The following ARHGEF18 variants were observed in gnomAD, a reference collection of about 807,000 sequenced individuals.
The protein encoded by ARHGEF18 is Rho/Rac guanine nucleotide exchange factor 18, also known as rho guanine nucleotide exchange factor 18.
Under a neutral mutation model 155.7 loss-of-function variants are expected in ARHGEF18, and 93 were observed. The observed-to-expected ratio is 0.60, with a 90% confidence interval of 0.50 to 0.71. ARHGEF18 has a LOEUF of 0.71. ARHGEF18 is among the 30% of genes least tolerant of loss of function. The pLI is 0.00. For missense variants in ARHGEF18, 1,593 were observed against 1,816.1 expected, an observed-to-expected ratio of 0.88 and a Z score of 2.23; for synonymous variants, 742 against 753.1, an observed-to-expected ratio of 0.99 and a Z score of 0.24.
At chr19:7,417,237 C>G (rs1257423736) in intron 10 of ARHGEF18, among the ~76,000 whole-genome samples, 3 of 152,040 alleles carry the variant, frequency 2.0e-5, no homozygotes, top group Non-Finnish European at 4.4e-5. Context: ...AACAAGGTGG[C>G]CTCTGGGGCT....
At chr19:7,453,804 T>A (rs1238244336) in intron 17 of ARHGEF18, 89 bp downstream of exon 17, 1 of 1,431,634 alleles carries the variant, frequency 7.0e-7, no homozygotes, top group African/African-American at 1.4e-5. Context: ...CTTAGATTAG[T>A]GGCACCATCT....
chr19:7,451,114 G>A (rs763406361), intron 15 of ARHGEF18, 35 bp from the exon 16 acceptor site: 1 of 1,449,302 alleles, frequency 6.9e-7, no homozygotes, highest in Non-Finnish European at 9.1e-7. Flanking sequence ...CCGTTTCTGA[G>A]ATGTTAATAC....
intron 17 of ARHGEF18, among the ~76,000 whole-genome samples, chr19:7,454,451 C>G (rs1300929899): frequency 6.7e-6 from 1 of 149,442 alleles, no homozygotes; most frequent in African/African-American, 2.5e-5. Flanking sequence ...CAGTGGCCAC[C>G]ATTTTGATTG....
chr19:7,422,770 G>C (rs1271929498), intron 10 of ARHGEF18, among the ~76,000 whole-genome samples: 1 of 143,486 alleles, frequency 7.0e-6, no homozygotes, highest in Non-Finnish European at 1.5e-5. Flanking sequence ...CCAGACTGGA[G>C]TGCAGTGGCA....
intron 10 of ARHGEF18, among the ~76,000 whole-genome samples, chr19:7,404,687 A>G (rs1279030964): frequency 6.6e-6 from 1 of 151,980 alleles, no homozygotes; most frequent in African/African-American, 2.4e-5. Context: ...CCTTTTAGAT[A>G]GATCGTGGAG....
chr19:7,470,591 C>T lies in ARHGEF18; in HGVS notation c.*293C>T. 1 of 396,540 alleles carries T rather than the reference C, an allele frequency of 2.5e-6. No homozygotes were observed. The highest frequency in any genetic ancestry group is 4.4e-6 in the Non-Finnish European group (1 of 225,602). The allele number at this position is 396,540 out of a possible 1,614,324, so 24.6% of individuals were successfully genotyped here. On this transcript the variant is annotated 3_prime_UTR_variant, in exon 29 of 29. Coordinates refer to ENST00000668164, the MANE Select transcript of ARHGEF18 (RefSeq NM_001367823.1). The surrounding 1 kb of genome is among the most constrained non-coding windows in gnomAD (Gnocchi z 5.9). ...ACTAAACCAGGGAGCTGTCTGAAATCATAGCACCCCATCCGGGTGGCGGGG... is the reference window on the plus strand; with the variant it reads ...ACTAAACCAGGGAGCTGTCTGAAATTATAGCACCCCATCCGGGTGGCGGGG...
chr19:7,366,063 A>G (rs1213821422), intron 2 of ARHGEF18, among the ~76,000 whole-genome samples: 1 of 152,160 alleles, frequency 6.6e-6, no homozygotes, highest in African/African-American at 2.4e-5. Flanking sequence ...CTTGTGCCTC[A>G]GCCTCCTGAG....
chr19:7,404,950 C>G (rs1013901761), intron 10 of ARHGEF18, among the ~76,000 whole-genome samples: 1 of 148,642 alleles, frequency 6.7e-6, no homozygotes, highest in East Asian at 1.9e-4. Context: ...GCGACAGACT[C>G]GGGTGCTTTA....
chr19:7,360,119 C>T (rs1378460626), intron 1 of ARHGEF18, among the ~76,000 whole-genome samples: 1 of 152,124 alleles, frequency 6.6e-6, no homozygotes, highest in Non-Finnish European at 1.5e-5. Flanking sequence ...GGAACCACTC[C>T]AGCCTGGGTG....
intron 10 of ARHGEF18, among the ~76,000 whole-genome samples, chr19:7,407,885 C>T (rs923747678): frequency 6.7e-6 from 1 of 149,806 alleles, no homozygotes; most frequent in South Asian, 2.1e-4. Context: ...TGGCGTGAAC[C>T]CAGGAGGCGG....
In ARHGEF18 at chr19:7,395,006, G is replaced by A. The variant is rs1053063556; in HGVS notation, c.967+11803G>A. The A allele has an allele frequency of 9.2e-6, 9 of 973,360 alleles. No individual in the cohort carries two copies. The highest frequency in any genetic ancestry group is 1.1e-4 in the East Asian group (1 of 8,732). The allele number at this position is 973,360 out of a possible 1,614,324, so 60.3% of individuals were successfully genotyped here. A position where few individuals can be genotyped will look rare whatever the true frequency, so the allele number is the denominator to read the frequency against. On this transcript the variant is annotated intron_variant, in intron 10 of 28. Transcript: ENST00000668164. This position sits in a 1 kb window ranked among gnomAD's most constrained non-coding sequence, Gnocchi z 5.0. ...ACGCCCCCTCACCACGGCTCGGGGA[G>A]CAGCAGCCCCAGGTCCCCGGGAGCG...
chr19:7,375,800 G>A lies in ARHGEF18; in HGVS notation c.356G>A (p.Gly119Glu). The A allele has an allele frequency of 8.1e-7, 1 of 1,234,560 alleles. No individual in the cohort carries two copies. Among genetic ancestry groups the A allele is most frequent in the Non-Finnish European group, 1.0e-6 (1 of 988,302 alleles). The allele number at this position is 1,234,560 out of a possible 1,614,324, so 76.5% of individuals were successfully genotyped here. A position where few individuals can be genotyped will look rare whatever the true frequency, so the allele number is the denominator to read the frequency against. Residue 119 changes from glycine (G) to glutamate (E), a missense_variant, in exon 4 of 29, where the codon GGA becomes GAA. By Grantham distance (98) the Gly-to-Glu change is moderately conservative (BLOSUM62 -2). Coordinates refer to ENST00000668164, the MANE Select transcript of ARHGEF18 (RefSeq NM_001367823.1). ...GCCAGCCTTGCTTTGAACCTGCCAG[G>A]AGGAGGGCTGAAGACCTGGACTCAA... The part of the protein sequence containing the change: ...TLASLALNLP[G>E]GGLKTWTQGC...
At chr19:7,421,883 T>G (rs1973369293) in intron 10 of ARHGEF18, among the ~76,000 whole-genome samples, 1 of 152,190 alleles carries the variant, frequency 6.6e-6, no homozygotes, top group Admixed American at 6.6e-5. Flanking sequence ...CCATGTCTGC[T>G]GGGAGAGCTG....
chr19:7,475,546 C>CCACACA (rs529925732), downstream of ARHGEF18, among the ~76,000 whole-genome samples: 1 of 136,890 alleles, frequency 7.3e-6, no homozygotes, highest in East Asian at 2.0e-4. Context: ...ACACACACAA[C>CCACACA]CACACACACA....
chr19:7,453,337 T>C, intron 16 of ARHGEF18, 130 bp from the exon 17 acceptor site: 1 of 1,095,200 alleles, frequency 9.1e-7, no homozygotes, highest in Non-Finnish European at 1.2e-6. Flanking sequence ...ACACACCTCA[T>C]AGATCCCACA....
At chr19:7,362,041 G>A (rs139140362) in intron 1 of ARHGEF18, among the ~76,000 whole-genome samples, 2,770 of 48,928 alleles carry the variant, frequency 0.057, 211 homozygotes, top group African/African-American at 0.15. Context: ...GAAGGAGAAG[G>A]AGAAGGAGAA....
chr19:7,477,206 G>T (rs758288493), downstream of ARHGEF18: 13 of 1,494,696 alleles, frequency 8.7e-6, no homozygotes, highest in Middle Eastern at 3.6e-4. Context: ...GCAGTGTCAG[G>T]GGGTAGTGGC....
intron 23 of ARHGEF18, among the ~76,000 whole-genome samples, chr19:7,465,324 GT>G (rs1976544343): frequency 6.6e-6 from 1 of 151,978 alleles, no homozygotes; most frequent in East Asian, 1.9e-4. Flanking sequence ...ACTAAGGGAT[GT>G]ATTTTCAATA....
intron 10 of ARHGEF18, among the ~76,000 whole-genome samples, chr19:7,394,536 TC>T (rs1001128218): frequency 7.3e-5 from 11 of 151,550 alleles, no homozygotes; most frequent in Non-Finnish European, 1.5e-5. Flanking sequence ...AGCTCCACTG[TC>T]CTCCCTTGGG....
Sources: allele counts gnomAD v4.1 joint callset (sites outside exome capture counted in the v4.1 genomes callset), GRCh38; gene constraint gnomAD v4.1.1; non-coding constraint Gnocchi (gnomAD v3.1); transcripts MANE v1.5; gene names NCBI Gene and HGNC (gene_info 2026-07-23, HGNC 2026-07-21).